SGTB: variants seen among roughly 807,000 people sequenced by gnomAD.
SGTB encodes the protein small glutamine rich tetratricopeptide repeat co-chaperone beta, also known as small glutamine-rich tetratricopeptide repeat-containing protein beta.
In SGTB, 19 loss-of-function variants were observed where a neutral mutation model predicts 43.9. The ratio of observed to expected loss-of-function variants is 0.43; its 90% CI spans 0.30 to 0.63. The LOEUF is 0.63. Ranked by LOEUF, SGTB falls within the 30% of genes least tolerant of loss-of-function variation. SGTB has a pLI of 0.12. For synonymous variants in SGTB, 116 were observed against 117.3 expected, an observed-to-expected ratio of 0.99 and a Z score of 0.07; for missense variants, 304 against 358.9, an observed-to-expected ratio of 0.85 and a Z score of 1.24.
Position 65,693,115 on chromosome 5 carries a change from A to G in SGTB, c.375-7643T>C, listed in dbSNP as rs772419392. 1.8e-4 allele frequency among the ~76,000 whole-genome samples: 28 copies of G among 151,838 alleles called. 1 individual carries two copies. Among genetic ancestry groups the G allele is most frequent in the Admixed American group, 7.9e-4 (12 of 15,218 alleles). The stretch of plus-strand genomic sequence containing the variant: ...AGACTGAGGCATGAGACTTGCTTGA[A>G]CCTGGAAGGCAGAGGTTACAGTGAG... On this transcript the variant is annotated intron_variant, in intron 5 of 10. Transcript: ENST00000381007.
intron 8 of SGTB, among the ~76,000 whole-genome samples, chr5:65,672,919 G>A (rs910937136): frequency 6.6e-6 from 1 of 152,188 alleles, no homozygotes; most frequent in African/African-American, 2.4e-5. Context: ...TGACTGATTC[G>A]TAAGTAATTC....
At chr5:65,707,437 TATA>T (rs1346536553) in intron 4 of SGTB, among the ~76,000 whole-genome samples, 1 of 95,772 alleles carries the variant, frequency 1.0e-5, no homozygotes, top group African/African-American at 4.3e-5. Flanking sequence ...CACACACACA[TATA>T]TTTTTTTTTT....
intron 5 of SGTB, among the ~76,000 whole-genome samples, chr5:65,685,725 T>C (rs1272072013): frequency 1.3e-5 from 2 of 152,190 alleles, no homozygotes; most frequent in African/African-American, 4.8e-5. Context: ...ATGTAAGTCA[T>C]ACAACTGGTC....
In SGTB at chr5:65,685,414, C is replaced by CT. The variant is rs772377363; in HGVS notation, c.432dup (p.Ala145SerfsTer5). On this transcript the variant is annotated frameshift_variant, in exon 6 of 11. Transcript: ENST00000381007. LOFTEE classifies it high-confidence loss of function. ...CTGTACTTTGAATCAATTGCTATTG[C>CT]TTTTTCACAATCCTTTATCGCATCT... is the stretch of plus-strand genomic sequence containing the variant. 1 of 1,614,178 alleles carries CT rather than the reference C, an allele frequency of 6.2e-7. No homozygotes were observed. The highest frequency in any genetic ancestry group is 8.5e-7 in the Non-Finnish European group (1 of 1,180,014).
intron 3 of SGTB, among the ~76,000 whole-genome samples, chr5:65,710,312 C>T (rs1384840861): frequency 2.6e-5 from 4 of 152,134 alleles, no homozygotes; most frequent in Non-Finnish European, 4.4e-5. Flanking sequence ...AGAAAAATAG[C>T]ATATTAAAAA....
chr5:65,711,294 C>G (rs73763189), intron 3 of SGTB, among the ~76,000 whole-genome samples: 1 of 150,164 alleles, frequency 6.7e-6, no homozygotes, highest in Admixed American at 6.6e-5. Context: ...CAGGGAGATA[C>G]AGCAAAAGAA....
intron 3 of SGTB, among the ~76,000 whole-genome samples, chr5:65,711,402 A>G (rs543915661): frequency 1.3e-5 from 2 of 152,362 alleles, no homozygotes; most frequent in South Asian, 2.1e-4. Flanking sequence ...TATTAAGTCA[A>G]TGGTGACAGT....
At chr5:65,707,299 G>A (rs1757951380) in intron 4 of SGTB, among the ~76,000 whole-genome samples, 1 of 150,560 alleles carries the variant, frequency 6.6e-6, no homozygotes, top group South Asian at 2.1e-4. Flanking sequence ...CAGTGATATA[G>A]GTATATATTT....
intron 3 of SGTB, among the ~76,000 whole-genome samples, chr5:65,708,814 G>A (rs970950058): frequency 6.6e-6 from 1 of 152,150 alleles, no homozygotes; most frequent in African/African-American, 2.4e-5. Flanking sequence ...ATCAAGGTGG[G>A]TGGACAGCTT....
chr5:65,673,957 T>A (rs538670348), intron 8 of SGTB, among the ~76,000 whole-genome samples: 16 of 152,280 alleles, frequency 1.1e-4, no homozygotes, highest in Non-Finnish European at 1.6e-4. Context: ...CACCAAGGCC[T>A]ATAGTGCTTC....
At chr5:65,679,428 T>C (rs898885167) in intron 8 of SGTB, among the ~76,000 whole-genome samples, 11 of 151,988 alleles carry the variant, frequency 7.2e-5, no homozygotes, top group African/African-American at 2.7e-4. Flanking sequence ...ACTAGCCTGG[T>C]CAGCATGGTG....
intron 5 of SGTB, among the ~76,000 whole-genome samples, chr5:65,699,685 G>A (rs11740111): frequency 0.015 from 2,315 of 152,268 alleles, 20 homozygotes; most frequent in Non-Finnish European, 0.024. Flanking sequence ...CAGGAACTGC[G>A]AACCTCAAGT....
intron 5 of SGTB, among the ~76,000 whole-genome samples, chr5:65,692,296 G>A (rs1757629325): frequency 6.6e-6 from 1 of 152,132 alleles, no homozygotes; most frequent in African/African-American, 2.4e-5. Flanking sequence ...TTTAATAGAA[G>A]TTTGTTAGGG....
intron 2 of SGTB, among the ~76,000 whole-genome samples, chr5:65,716,364 A>C (rs1758149862): frequency 6.6e-6 from 1 of 152,252 alleles, no homozygotes; most frequent in African/African-American, 2.4e-5. Context: ...AGAAACTCAC[A>C]TACTCTGTTT....
At chr5:65,692,400 A>C (rs1166918393) in intron 5 of SGTB, among the ~76,000 whole-genome samples, 1 of 152,198 alleles carries the variant, frequency 6.6e-6, no homozygotes, top group Non-Finnish European at 1.5e-5. Context: ...AAGATATCAA[A>C]CTTAGAGTCA....
At chr5:65,673,544 C>T (rs1008907846) in intron 8 of SGTB, among the ~76,000 whole-genome samples, 24 of 152,148 alleles carry the variant, frequency 1.6e-4, no homozygotes, top group South Asian at 2.1e-4. Context: ...GAGAATCTAA[C>T]GCTCCTCTCC....
chr5:65,705,812 G>A (rs868579396), intron 4 of SGTB, among the ~76,000 whole-genome samples: 60 of 150,240 alleles, frequency 4.0e-4, no homozygotes, highest in South Asian at 2.9e-3. Context: ...AGTATGGCTT[G>A]AGCCCAGAAA....
rs1304440185 is a variant in SGTB at position 65,667,206 on chromosome 5, G to C, written c.*3040C>G. The C allele has an allele frequency of 6.6e-6, 1 of 151,906 alleles. No individual in the cohort carries two copies. The highest frequency in any genetic ancestry group is 1.5e-5 in the Non-Finnish European group (1 of 67,980). The allele number at this position is 151,906 out of a possible 1,614,324, so 9.4% of individuals were successfully genotyped here. ...AATATACAATCCTTGAGTTGGTCAT[G>C]GTGTTTTCTAGTTAGCCTTTTAATA... On this transcript the variant is annotated 3_prime_UTR_variant, in exon 11 of 11. Transcript: ENST00000381007.
At chr5:65,719,301 A>C (rs869640) in intron 2 of SGTB, among the ~76,000 whole-genome samples, 34,147 of 152,122 alleles carry the variant, frequency 0.22, 4,147 homozygotes, top group South Asian at 0.34. Flanking sequence ...AATAATTAAG[A>C]CTTTGGGGCT....
Sources: allele counts gnomAD v4.1 joint callset (sites outside exome capture counted in the v4.1 genomes callset), GRCh38; gene constraint gnomAD v4.1.1; transcripts MANE v1.5; gene names NCBI Gene and HGNC (gene_info 2026-07-23, HGNC 2026-07-21).